The following MSI2 variants were observed in gnomAD, a reference collection of about 807,000 sequenced individuals.
MSI2 encodes musashi RNA binding protein 2.
In MSI2, 17 loss-of-function variants were observed where a neutral mutation model predicts 45.6. That is an observed-to-expected ratio of 0.37 (90% confidence interval 0.26 to 0.56). The LOEUF (loss-of-function observed/expected upper bound fraction) is 0.56, where lower values mean the gene tolerates loss of function less well. Among genes scored for constraint, MSI2 ranks in the 20% least tolerant of loss-of-function variants. The pLI is 0.77. For synonymous variants in MSI2, 156 were observed against 158.2 expected, an observed-to-expected ratio of 0.99 and a Z score of 0.11; for missense variants, 293 against 444.2, an observed-to-expected ratio of 0.66 and a Z score of 3.06.
chr17:57,292,103 G>A (rs1252936535), intron 5 of MSI2, among the ~76,000 whole-genome samples: 1 of 152,020 alleles, frequency 6.6e-6, no homozygotes, highest in Non-Finnish European at 1.5e-5. Flanking sequence ...AGGAGGGGAC[G>A]CATTCACCGA....
intron 6 of MSI2, among the ~76,000 whole-genome samples, chr17:57,489,863 TG>T (rs2085834137): frequency 1.3e-5 from 2 of 152,226 alleles, no homozygotes; most frequent in African/African-American, 4.8e-5. Flanking sequence ...AAGTATCTCT[TG>T]GTGTTGTAGC....
intron 6 of MSI2, among the ~76,000 whole-genome samples, chr17:57,464,017 G>A (rs34136114): frequency 0.35 from 50,026 of 141,178 alleles, 10,208 homozygotes; most frequent in South Asian, 0.51. Context: ...GTGTGTGTGT[G>A]TGTATGTGTG....
chr17:57,323,068 G>A (rs117743337), intron 5 of MSI2, among the ~76,000 whole-genome samples: 1,522 of 152,112 alleles, frequency 0.01, 20 homozygotes, highest in Admixed American at 0.038. Flanking sequence ...GATGGGTACC[G>A]GGGGTTCATT....
intron 5 of MSI2, among the ~76,000 whole-genome samples, chr17:57,310,864 GA>G (rs2143604140): frequency 6.6e-6 from 1 of 152,352 alleles, no homozygotes; most frequent in East Asian, 1.9e-4. Context: ...CTTGGCATCA[GA>G]TAGACCCACC....
intron 6 of MSI2, among the ~76,000 whole-genome samples, chr17:57,462,472 T>C (rs2085249594): frequency 6.6e-6 from 1 of 152,220 alleles, no homozygotes; most frequent in Non-Finnish European, 1.5e-5. Flanking sequence ...TAGATTCCCC[T>C]GCCCTTCTCT....
At chr17:57,324,192 G>C (rs997620439) in intron 5 of MSI2, among the ~76,000 whole-genome samples, 2 of 152,202 alleles carry the variant, frequency 1.3e-5, no homozygotes, top group Non-Finnish European at 2.9e-5. Context: ...TGGAGTCTGA[G>C]GCCTTGGAGG....
chr17:57,627,777 G>A lies in MSI2; in HGVS notation c.727+474G>A. On this transcript the variant is annotated intron_variant, in intron 10 of 13. Transcript: ENST00000284073. This position sits in a 1 kb window ranked among gnomAD's most constrained non-coding sequence, Gnocchi z 4.6. ...CTCCGTCCTGACTGCTGTGGCTTCG[G>A]CGTCCTTCTGGGCTGTGTTGATGTT... 1 of 182,728 alleles carries A rather than the reference G, an allele frequency of 5.5e-6. No homozygotes were observed. Among genetic ancestry groups the A allele is most frequent in the Non-Finnish European group, 1.2e-5 (1 of 86,830 alleles). 11.3% of individuals were successfully genotyped at this position (182,728 alleles called of 1,614,324 possible).
At chr17:57,542,830 T>A (rs2087080336) in intron 7 of MSI2, among the ~76,000 whole-genome samples, 1 of 152,212 alleles carries the variant, frequency 6.6e-6, no homozygotes, top group African/African-American at 2.4e-5. Flanking sequence ...CTCCTTCATG[T>A]GGGGCCCTTC....
chr17:57,468,850 G>A (rs903052639), intron 6 of MSI2, among the ~76,000 whole-genome samples: 4 of 152,112 alleles, frequency 2.6e-5, no homozygotes, highest in African/African-American at 9.7e-5. Context: ...TAGGGGGCCC[G>A]AGAGGAGTCA....
chr17:57,459,741 C>T (rs2085187047), intron 6 of MSI2, among the ~76,000 whole-genome samples: 1 of 152,102 alleles, frequency 6.6e-6, no homozygotes. Context: ...CGCCTCTAAT[C>T]CTAGCACTTT....
chr17:57,673,615 A>G (rs559449244), intron 11 of MSI2, among the ~76,000 whole-genome samples: 1 of 152,216 alleles, frequency 6.6e-6, no homozygotes, highest in Non-Finnish European at 1.5e-5. Context: ...AAAAGAAAAT[A>G]AAGTTTAAAC....
At chr17:57,546,366 G>A (rs1045090537) in intron 7 of MSI2, among the ~76,000 whole-genome samples, 5 of 152,146 alleles carry the variant, frequency 3.3e-5, no homozygotes, top group Non-Finnish European at 7.3e-5. Flanking sequence ...AAGTGCAGCC[G>A]AAGATTTCTG....
At chr17:57,374,942 T>A (rs1311209371) in intron 5 of MSI2, among the ~76,000 whole-genome samples, 1 of 152,190 alleles carries the variant, frequency 6.6e-6, no homozygotes, top group Non-Finnish European at 1.5e-5. Context: ...TTCCATCTCT[T>A]CAGCATCTCT....
intron 5 of MSI2, among the ~76,000 whole-genome samples, chr17:57,379,322 C>A (rs565542809): frequency 2.0e-4 from 30 of 152,212 alleles, no homozygotes; most frequent in African/African-American, 7.0e-4. Context: ...TTTTCCCTCC[C>A]GCCCACCCTG....
At chr17:57,528,896 G>A (rs897996156) in intron 6 of MSI2, among the ~76,000 whole-genome samples, 1 of 152,146 alleles carries the variant, frequency 6.6e-6, no homozygotes, top group Non-Finnish European at 1.5e-5. Flanking sequence ...TAACAATCAG[G>A]ATGTTCAAGC....
intron 5 of MSI2, among the ~76,000 whole-genome samples, chr17:57,297,239 A>T (rs1567742621): frequency 6.8e-6 from 1 of 146,912 alleles, no homozygotes. Flanking sequence ...CTTGGTTGAG[A>T]TTATACAGGC....
intron 6 of MSI2, among the ~76,000 whole-genome samples, chr17:57,421,912 G>A (rs1378776094): frequency 6.6e-6 from 1 of 152,146 alleles, no homozygotes; most frequent in Non-Finnish European, 1.5e-5. Flanking sequence ...CTTGGTGAAA[G>A]GGCATTTGGA....
intron 10 of MSI2, among the ~76,000 whole-genome samples, chr17:57,634,864 C>T (rs532082740): frequency 6.6e-6 from 1 of 152,294 alleles, no homozygotes; most frequent in Admixed American, 6.5e-5. Flanking sequence ...CAAACTCCAG[C>T]CATCACATGT....
chr17:57,528,632 G>T (rs1313066391), intron 6 of MSI2, among the ~76,000 whole-genome samples: 1 of 152,104 alleles, frequency 6.6e-6, no homozygotes, highest in African/African-American at 2.4e-5. Flanking sequence ...GGTGTGGCAG[G>T]GTTGGTTTCT....
Sources: gnomAD v4.1 joint callset for allele counts (sites outside exome capture counted in the v4.1 genomes callset) on GRCh38, gnomAD v4.1.1 for gene constraint, Gnocchi (gnomAD v3.1) non-coding constraint, MANE v1.5 for transcripts, NCBI Gene and HGNC (gene_info 2026-07-23, HGNC 2026-07-21) for gene names.